The following KMT2C variants were observed in gnomAD, a reference collection of about 807,000 sequenced individuals.
KMT2C encodes histone-lysine N-methyltransferase 2C.
In KMT2C, 88 loss-of-function variants were observed where a neutral mutation model predicts 507.9. That is an observed-to-expected ratio of 0.17 (90% CI 0.15 to 0.21). KMT2C has a LOEUF of 0.21. KMT2C is among the 10% of genes least tolerant of loss of function. The pLI is 1.00. For synonymous variants in KMT2C, 2,049 were observed against 2,080.8 expected (o/e 0.98, Z 0.42); for missense variants, 4,954 against 5,957.8 (o/e 0.83, Z 5.55).
intron 6 of KMT2C, among the ~76,000 whole-genome samples, chr7:152,305,511 G>A (rs543403792): frequency 2.7e-4 from 41 of 152,212 alleles, no homozygotes; most frequent in African/African-American, 8.7e-4. Flanking sequence ...TATACGTGAG[G>A]TGTGGTGAAG....
At chr7:152,196,210 C>T (rs547946079) in intron 27 of KMT2C, among the ~76,000 whole-genome samples, 199 bp from the exon 28 acceptor site, 5 of 151,920 alleles carry the variant, frequency 3.3e-5, no homozygotes, top group African/African-American at 9.7e-5. Context: ...AAAATTCAGA[C>T]GATTTTGTCT....
chr7:152,330,343 C>T (rs909530927), intron 3 of KMT2C, among the ~76,000 whole-genome samples: 3 of 152,086 alleles, frequency 2.0e-5, no homozygotes, highest in Admixed American at 6.6e-5. Flanking sequence ...AGGAACAGCA[C>T]ATTGGTAATA....
chr7:152,157,896 T>C (rs1201471214), intron 44 of KMT2C: 1 of 1,338,836 alleles, frequency 7.5e-7, no homozygotes. Flanking sequence ...CTCCAATGAT[T>C]GGTTCCATTA....
intron 1 of KMT2C, among the ~76,000 whole-genome samples, chr7:152,433,752 A>G (rs1366369906): frequency 6.6e-6 from 1 of 152,266 alleles, no homozygotes; most frequent in Non-Finnish European, 1.5e-5. Context: ...CAGAATTAAA[A>G]TAATAAAGTG....
chr7:152,435,839 C>G lies in KMT2C; in HGVS notation c.-53G>C, dbSNP rs2097912639. 3.7e-6 allele frequency: 5 copies of G among 1,334,608 alleles called. No homozygotes were observed. The Admixed American group carries it at 1.5e-4, about 40-fold the overall frequency. The allele number at this position is 1,334,608 out of a possible 1,614,324, so 82.7% of individuals were successfully genotyped here. On this transcript the variant is annotated 5_prime_UTR_variant, in exon 1 of 59. Transcript: ENST00000262189. ...CCCGGTCCTCCTCCTGGGGGGCTCC[C>G]GCCGCCGCGGCCGCCGCCGCCGCCG...
chr7:152,332,496 T>A (rs112973184), intron 2 of KMT2C, among the ~76,000 whole-genome samples: 6 of 152,358 alleles, frequency 3.9e-5, no homozygotes, highest in South Asian at 2.1e-4. Flanking sequence ...ATGACTGAAC[T>A]CTACTACCTT....
chr7:152,362,327 G>A (rs1278138757), intron 1 of KMT2C, among the ~76,000 whole-genome samples: 6 of 152,066 alleles, frequency 3.9e-5, no homozygotes, highest in Non-Finnish European at 8.8e-5. Context: ...GGGACAAGAA[G>A]GATATACGGT....
At chr7:152,274,425 T>G (rs1678745090) in intron 6 of KMT2C, among the ~76,000 whole-genome samples, 1 of 152,114 alleles carries the variant, frequency 6.6e-6, no homozygotes, top group Non-Finnish European at 1.5e-5. Flanking sequence ...TAACAAAAGA[T>G]GGAAATGTGG....
At chr7:152,186,266 T>C (rs147706408) in intron 33 of KMT2C, among the ~76,000 whole-genome samples, 1 of 152,328 alleles carries the variant, frequency 6.6e-6, no homozygotes, top group East Asian at 1.9e-4. Context: ...CAGTATTTCA[T>C]GAGGTTCTTG....
At chr7:152,154,244 A>C in intron 47 of KMT2C, 23 bp downstream of exon 47, 1 of 1,613,460 alleles carries the variant, frequency 6.2e-7, no homozygotes, top group Non-Finnish European at 8.5e-7. Flanking sequence ...AAGGGAAATA[A>C]TAAGGTTAAG....
intron 1 of KMT2C, among the ~76,000 whole-genome samples, chr7:152,372,563 A>T (rs2097300513): frequency 6.6e-6 from 1 of 152,216 alleles, no homozygotes; most frequent in African/African-American, 2.4e-5. Flanking sequence ...GATATTCCAC[A>T]CACATGTTAA....
At chr7:152,271,759 C>G (rs1168331805) in intron 7 of KMT2C, among the ~76,000 whole-genome samples, 2 of 150,976 alleles carry the variant, frequency 1.3e-5, no homozygotes, top group Non-Finnish European at 2.9e-5. Flanking sequence ...AGTTTGAAGG[C>G]TGCTATAAGA....
chr7:152,384,033 G>T (rs545748512), intron 1 of KMT2C, among the ~76,000 whole-genome samples: 216 of 147,670 alleles, frequency 1.5e-3, no homozygotes, highest in Admixed American at 6.7e-3. Flanking sequence ...CCGAGAGGCA[G>T]ACATGTGTGT....
At chr7:152,173,058 CAGTT>C (rs201610436) in intron 39 of KMT2C, among the ~76,000 whole-genome samples, 558 of 152,204 alleles carry the variant, frequency 3.7e-3, no homozygotes, top group African/African-American at 0.012. Context: ...AGACATAAAA[CAGTT>C]AGGAATCTCT....
chr7:152,208,666 A>T (rs978211400), intron 23 of KMT2C, among the ~76,000 whole-genome samples: 4 of 152,254 alleles, frequency 2.6e-5, no homozygotes, highest in African/African-American at 9.6e-5. Flanking sequence ...TTTACATTGT[A>T]TTACAGGAAA....
intron 2 of KMT2C, among the ~76,000 whole-genome samples, chr7:152,346,108 T>C (rs1020216258): frequency 2.6e-5 from 4 of 152,146 alleles, no homozygotes; most frequent in Non-Finnish European, 4.4e-5. Context: ...AAAAAAATGA[T>C]ACAATCTCAA....
At chr7:152,261,130 T>C (rs1402746547) in intron 9 of KMT2C, among the ~76,000 whole-genome samples, 1 of 152,136 alleles carries the variant, frequency 6.6e-6, no homozygotes, top group Admixed American at 6.5e-5. Context: ...CACAAAAGAA[T>C]CCAAAATAAA....
chr7:152,175,850 G>A (rs1477099889), intron 38 of KMT2C, among the ~76,000 whole-genome samples: 1 of 152,174 alleles, frequency 6.6e-6, no homozygotes, highest in African/African-American at 2.4e-5. Context: ...AGACCAGCCT[G>A]GCCAACATGG....
chr7:152,323,119 G>A (rs1322275917), intron 3 of KMT2C, among the ~76,000 whole-genome samples: 1 of 151,836 alleles, frequency 6.6e-6, no homozygotes, highest in African/African-American at 2.4e-5. Context: ...TGGTAAAGAG[G>A]TTCCTCAAAA....
Sources: allele counts gnomAD v4.1 joint callset (sites outside exome capture counted in the v4.1 genomes callset), GRCh38; gene constraint gnomAD v4.1.1; transcripts MANE v1.5; gene names NCBI Gene and HGNC (gene_info 2026-07-23, HGNC 2026-07-21).